The following SNTB2 variants were observed in gnomAD, a reference collection of about 807,000 sequenced individuals.
SNTB2 encodes the protein beta-2-syntrophin.
In SNTB2, 34 loss-of-function variants were observed where a neutral mutation model predicts 46.2. The ratio of observed to expected loss-of-function variants is 0.74; its 90% CI spans 0.56 to 0.98. SNTB2 has a LOEUF of 0.98. SNTB2 is among the 50% of genes least tolerant of loss of function. The pLI is 0.00. For missense variants in SNTB2, 603 were observed against 731.4 expected (o/e 0.82, Z 2.02); for synonymous variants, 290 against 312.6 (o/e 0.93, Z 0.76).
intron 2 of SNTB2, among the ~76,000 whole-genome samples, chr16:69,258,198 G>A (rs949296785): frequency 6.6e-6 from 1 of 152,098 alleles, no homozygotes; most frequent in African/African-American, 2.4e-5. Flanking sequence ...CCTGGTCATT[G>A]GCAGTTTGTC....
At chr16:69,252,791 G>C (rs1248749812) in intron 2 of SNTB2, among the ~76,000 whole-genome samples, 1 of 152,052 alleles carries the variant, frequency 6.6e-6, no homozygotes, top group Non-Finnish European at 1.5e-5. Flanking sequence ...CTCCCTTGTG[G>C]ACCCAAATGA....
chr16:69,301,944 C>G lies in SNTB2; in HGVS notation c.*1020C>G, dbSNP rs1965279843. The G allele has an allele frequency of 6.6e-6, 1 of 152,318 alleles. No homozygotes were observed. The highest frequency in any genetic ancestry group is 2.4e-5 in the African/African-American group (1 of 41,396). 9.4% of individuals were successfully genotyped at this position (152,318 alleles called of 1,614,324 possible). ...GCAGATCTGTTTGAACAAGATAAAT[C>G]CTAAAGAGCCAGCCTGCTTGAGGAG... On this transcript the variant is annotated 3_prime_UTR_variant, in exon 7 of 7. Transcript: ENST00000336278.
At chr16:69,273,504 T>C (rs1247432782) in intron 4 of SNTB2, among the ~76,000 whole-genome samples, 1 of 152,158 alleles carries the variant, frequency 6.6e-6, no homozygotes, top group African/African-American at 2.4e-5. Flanking sequence ...TTTTTCCATT[T>C]ATATGGAAAG....
At chr16:69,289,462 A>G (rs1360289911) in intron 5 of SNTB2, among the ~76,000 whole-genome samples, 3 of 152,138 alleles carry the variant, frequency 2.0e-5, no homozygotes, top group Non-Finnish European at 2.9e-5. Context: ...GCAATAATGC[A>G]TTGTATAATT....
At chr16:69,248,797 A>C (rs1202891164) in intron 2 of SNTB2, among the ~76,000 whole-genome samples, 1 of 150,728 alleles carries the variant, frequency 6.6e-6, no homozygotes, top group Non-Finnish European at 1.5e-5. Flanking sequence ...CTATCTCTAC[A>C]AAAAAAAAGA....
At chr16:69,236,410 A>G (rs1964561093) in intron 1 of SNTB2, among the ~76,000 whole-genome samples, 1 of 152,176 alleles carries the variant, frequency 6.6e-6, no homozygotes, top group Non-Finnish European at 1.5e-5. Flanking sequence ...CAAAGGGACA[A>G]CTATTGTATG....
At chr16:69,212,095 C>A (rs1964294144) in intron 1 of SNTB2, among the ~76,000 whole-genome samples, 8 of 152,132 alleles carry the variant, frequency 5.3e-5, no homozygotes, top group Admixed American at 5.2e-4. Context: ...TCACCTTGAA[C>A]CCTACACTCT....
chr16:69,261,367 A>G (rs963607140), intron 3 of SNTB2, among the ~76,000 whole-genome samples: 1 of 149,378 alleles, frequency 6.7e-6, no homozygotes, highest in Admixed American at 6.7e-5. Context: ...TCCCCAAAGC[A>G]GTTCTGATGT....
rs1258925103 is a variant in SNTB2 at position 69,308,373 on chromosome 16, A to G, written c.*7449A>G. ...ATTAAGTTTCAGGTTTGGCATGATC[A>G]TCATTCTCGATGATATTCTCACTTT... On this transcript the variant is annotated 3_prime_UTR_variant, in exon 7 of 7. Coordinates refer to ENST00000336278, the MANE Select transcript of SNTB2 (RefSeq NM_006750.4). 1 of 152,650 alleles carries G rather than the reference A, an allele frequency of 6.6e-6. No homozygotes were observed. The highest frequency in any genetic ancestry group is 1.9e-4 in the East Asian group (1 of 5,192). 9.5% of individuals were successfully genotyped at this position (152,650 alleles called of 1,614,324 possible).
intron 1 of SNTB2, among the ~76,000 whole-genome samples, chr16:69,235,057 G>A (rs535322223): frequency 1.3e-5 from 2 of 152,136 alleles, no homozygotes; most frequent in Admixed American, 1.3e-4. Context: ...TCTCTCCCAG[G>A]CTGGAGTGTG....
chr16:69,299,714 G>A lies in SNTB2; in HGVS notation c.1470G>A (p.Met490Ile). 6.2e-7 allele frequency: 1 copy of A among 1,614,174 alleles called. No individual in the cohort carries two copies. Among genetic ancestry groups the A allele is most frequent in the Admixed American group, 1.7e-5 (1 of 60,026 alleles). Residue 490 changes from methionine (M) to isoleucine (I), a missense_variant, in exon 6 of 7, where the codon ATG (methionine) becomes ATA (isoleucine). Transcript: ENST00000336278. ...LYRYPFERLK[M>I]SADDGIRNLY... Reference sequence around the variant, plus strand: ...GCTACCCCTTTGAAAGGCTGAAGATGTCTGCTGATGATGGCATCCGAAATC... The same window carrying A: ...GCTACCCCTTTGAAAGGCTGAAGATATCTGCTGATGATGGCATCCGAAATC...
chr16:69,269,085 C>T (rs1964913279), intron 3 of SNTB2, among the ~76,000 whole-genome samples: 2 of 151,802 alleles, frequency 1.3e-5, no homozygotes, highest in African/African-American at 2.4e-5. Context: ...AGGAGAATCA[C>T]TTGAACCCGG....
intron 1 of SNTB2, 51 bp downstream of exon 1, chr16:69,187,797 CGGGAGCTCACTTTGTT>C: frequency 7.7e-7 from 1 of 1,295,854 alleles, no homozygotes; most frequent in Non-Finnish European, 9.9e-7. Flanking sequence ...CCTGGGCTCG[CGGGAGCTCACTTTGTT>C]CCTGCCCCGC....
intron 5 of SNTB2, among the ~76,000 whole-genome samples, chr16:69,290,438 A>T (rs888412352): frequency 6.6e-6 from 1 of 152,184 alleles, no homozygotes; most frequent in Non-Finnish European, 1.5e-5. Context: ...AAATATAGGT[A>T]GGAATTACGT....
chr16:69,188,338 C>G (rs1199245082), intron 1 of SNTB2, among the ~76,000 whole-genome samples: 1 of 152,194 alleles, frequency 6.6e-6, no homozygotes, highest in East Asian at 1.9e-4. Flanking sequence ...ACAGTGGAGG[C>G]TCACGTGTTT....
At chr16:69,196,355 CTTTG>C (rs1209243383) in intron 1 of SNTB2, among the ~76,000 whole-genome samples, 5 of 150,468 alleles carry the variant, frequency 3.3e-5, no homozygotes, top group Admixed American at 2.6e-4. Context: ...ATGATCACAA[CTTTG>C]TTTTTCTTTT....
At chr16:69,268,105 T>C (rs1270394914) in intron 3 of SNTB2, among the ~76,000 whole-genome samples, 1 of 152,226 alleles carries the variant, frequency 6.6e-6, no homozygotes, top group African/African-American at 2.4e-5. Context: ...TAAAACCTTT[T>C]TAGAGATAAC....
chr16:69,249,498 G>A (rs1314372562), intron 2 of SNTB2, among the ~76,000 whole-genome samples: 1 of 152,190 alleles, frequency 6.6e-6, no homozygotes, highest in Non-Finnish European at 1.5e-5. Context: ...GTGCTACTTC[G>A]TCATTCACTA....
intron 1 of SNTB2, among the ~76,000 whole-genome samples, chr16:69,242,422 C>G (rs1026284563): frequency 6.6e-6 from 1 of 151,736 alleles, no homozygotes; most frequent in Admixed American, 6.6e-5. Context: ...GACCCTGTCT[C>G]AAAAATAAAA....
Sources: gnomAD v4.1 joint callset for allele counts (sites outside exome capture counted in the v4.1 genomes callset) on GRCh38, gnomAD v4.1.1 for gene constraint, MANE v1.5 for transcripts, NCBI Gene and HGNC (gene_info 2026-07-23, HGNC 2026-07-21) for gene names.